Variants in KCNN2 observed in about 807,000 individuals in gnomAD.
KCNN2 encodes small conductance calcium-activated potassium channel protein 2.
Under a neutral mutation model 55.5 loss-of-function variants are expected in KCNN2, and 24 were observed. That is an observed-to-expected ratio of 0.43 (90% CI 0.31 to 0.61). The LOEUF is 0.61. Ranked by LOEUF, KCNN2 falls within the 20% of genes least tolerant of loss-of-function variation. The pLI, the probability that KCNN2 is intolerant of heterozygous loss-of-function variation, is 0.08. For missense variants in KCNN2, 754 were observed against 853.6 expected (o/e 0.88, Z 1.45); for synonymous variants, 431 against 336.1 (o/e 1.28, Z -3.09).
intron 3 of KCNN2, among the ~76,000 whole-genome samples, chr5:114,451,271 G>A (rs535417585): frequency 2.6e-5 from 4 of 152,248 alleles, no homozygotes; most frequent in South Asian, 4.1e-4. Context: ...TTGGGACATC[G>A]AACTTTATTT....
At chr5:114,228,167 C>T (rs371109801) in intron 2 of KCNN2, among the ~76,000 whole-genome samples, 1 of 152,040 alleles carries the variant, frequency 6.6e-6, no homozygotes, top group Non-Finnish European at 1.5e-5. Context: ...AAATTTCAGT[C>T]TTGAGATGTC....
chr5:114,191,716 T>C (rs947656154), intron 1 of KCNN2, among the ~76,000 whole-genome samples: 9 of 152,080 alleles, frequency 5.9e-5, no homozygotes, highest in East Asian at 3.9e-4. Flanking sequence ...GGATTAGGCA[T>C]TGTGATAGAA....
At chr5:114,092,358 C>T (rs1751163141) in intron 1 of KCNN2, among the ~76,000 whole-genome samples, 1 of 152,228 alleles carries the variant, frequency 6.6e-6, no homozygotes, top group Non-Finnish European at 1.5e-5. Flanking sequence ...TTGGGCAGCT[C>T]AGCCCCTGTG....
At chr5:114,148,502 G>C (rs772759405) in intron 1 of KCNN2, among the ~76,000 whole-genome samples, 2 of 152,106 alleles carry the variant, frequency 1.3e-5, no homozygotes, top group Non-Finnish European at 1.5e-5. Flanking sequence ...ATTGTGTAGA[G>C]GCAGAGGAAG....
chr5:114,389,551 T>C (rs1024361389), intron 2 of KCNN2, among the ~76,000 whole-genome samples: 1 of 152,172 alleles, frequency 6.6e-6, no homozygotes, highest in African/African-American at 2.4e-5. Context: ...CACAACAGGC[T>C]AGAACAGTAC....
chr5:114,306,700 C>CT (rs1245549186), intron 2 of KCNN2, among the ~76,000 whole-genome samples: 33,701 of 115,580 alleles, frequency 0.29, 4,976 homozygotes, highest in Middle Eastern at 0.35. Flanking sequence ...TTTTTTTTTT[C>CT]TTTTTTTTTT....
intron 3 of KCNN2, among the ~76,000 whole-genome samples, chr5:114,424,078 C>T (rs938605055): frequency 2.6e-5 from 4 of 152,158 alleles, no homozygotes; most frequent in Non-Finnish European, 5.9e-5. Context: ...CAAATTCTTT[C>T]TTGGTGATGT....
At chr5:114,475,019 T>TA (rs1188739023) in intron 5 of KCNN2, among the ~76,000 whole-genome samples, 6 of 152,156 alleles carry the variant, frequency 3.9e-5, no homozygotes, top group African/African-American at 1.2e-4. Context: ...CTCTAAATAT[T>TA]ACTTTGGAAT....
At chr5:114,428,445 T>C (rs545532558) in intron 3 of KCNN2, among the ~76,000 whole-genome samples, 85 of 152,244 alleles carry the variant, frequency 5.6e-4, no homozygotes, top group African/African-American at 1.9e-3. Flanking sequence ...ATCTAGAAAA[T>C]AGTAGTTTTG....
Position 114,058,367 on chromosome 5 carries a change from G to A in KCNN2, c.-271+1867G>A, listed in dbSNP as rs1750254570. Among the ~76,000 whole-genome samples, 3 of 152,156 alleles carry A rather than the reference G, an allele frequency of 2.0e-5. No homozygotes were observed. In the South Asian group the frequency reaches 6.2e-4, roughly 32 times the overall value. ...TACCTCAGATGGAGGAGAAACAGAG[G>A]CACCATATGGTTAGTTAGAGGCAAG... On this transcript the variant is annotated intron_variant, in intron 1 of 10. Transcript: ENST00000512097.
intron 1 of KCNN2, among the ~76,000 whole-genome samples, chr5:114,181,616 G>T (rs1490429687): frequency 6.6e-6 from 1 of 151,910 alleles, no homozygotes; most frequent in Non-Finnish European, 1.5e-5. Context: ...TTTTTATTTT[G>T]TGATTGTTGT....
At chr5:114,255,390 A>C (rs1016910789) in intron 2 of KCNN2, among the ~76,000 whole-genome samples, 2 of 152,168 alleles carry the variant, frequency 1.3e-5, no homozygotes, top group African/African-American at 4.8e-5. Flanking sequence ...ATGAGGTGCT[A>C]AGGAGGGCAT....
At chr5:114,450,985 CTAA>C (rs1296663198) in intron 3 of KCNN2, among the ~76,000 whole-genome samples, 2 of 152,136 alleles carry the variant, frequency 1.3e-5, no homozygotes, top group Admixed American at 6.5e-5. Flanking sequence ...ATGTAATTTT[CTAA>C]TAATATATAA....
intron 2 of KCNN2, among the ~76,000 whole-genome samples, chr5:114,379,924 A>G (rs1364663221): frequency 1.3e-5 from 2 of 148,668 alleles, no homozygotes; most frequent in Non-Finnish European, 3.0e-5. Context: ...CATAATATAT[A>G]CCATCTATAT....
intron 1 of KCNN2, among the ~76,000 whole-genome samples, chr5:114,190,047 T>A (rs1753419889): frequency 6.6e-6 from 1 of 151,950 alleles, no homozygotes; most frequent in South Asian, 2.1e-4. Flanking sequence ...TAAAACAAGA[T>A]GAAAAAATAA....
intron 2 of KCNN2, among the ~76,000 whole-genome samples, chr5:114,384,397 A>G (rs1205028721): frequency 6.6e-6 from 1 of 152,216 alleles, no homozygotes; most frequent in Non-Finnish European, 1.5e-5. Context: ...AAAGAGCTAC[A>G]GTGGTAGAAT....
chr5:114,455,722 C>CTACTCCAGTGAACACATGAATA (rs1760893732), intron 3 of KCNN2, among the ~76,000 whole-genome samples: 1 of 152,236 alleles, frequency 6.6e-6, no homozygotes, highest in African/African-American at 2.4e-5. Flanking sequence ...ATTAAAAGTG[C>CTACTCCAGTGAACACATGAATA]TACTCCAGTG....
chr5:114,066,531 A>G (rs901011422), intron 1 of KCNN2, among the ~76,000 whole-genome samples: 1 of 152,240 alleles, frequency 6.6e-6, no homozygotes, highest in Non-Finnish European at 1.5e-5. Context: ...ACTGTGGGAA[A>G]GGGGCTCACC....
Position 114,353,082 on chromosome 5 carries a change from G to A in KCNN2, c.-184-7863G>A, listed in dbSNP as rs1404207863. Reference sequence around the variant, plus strand: ...GGATTCTGTTTTTATGCACATATATGTATTTAAAATTGTTGTATTTTCCTG... The same window carrying A: ...GGATTCTGTTTTTATGCACATATATATATTTAAAATTGTTGTATTTTCCTG... On this transcript the variant is annotated intron_variant, in intron 2 of 10. Coordinates refer to the KCNN2 transcript ENST00000512097. 5.9e-5 allele frequency among the ~76,000 whole-genome samples: 9 copies of A among 151,816 alleles called. No homozygotes were observed. In the East Asian group the frequency reaches 1.7e-3, roughly 29 times the overall value.
Sources: gnomAD v4.1 joint callset for allele counts (sites outside exome capture counted in the v4.1 genomes callset) on GRCh38, gnomAD v4.1.1 for gene constraint, MANE v1.5 for transcripts, NCBI Gene and HGNC (gene_info 2026-07-23, HGNC 2026-07-21) for gene names.